Variants in CDH23 observed in about 807,000 individuals in gnomAD.
CDH23 encodes cadherin related 23.
Under a neutral mutation model 317.1 loss-of-function variants are expected in CDH23, and 189 were observed. The observed-to-expected ratio is 0.60, with a 90% CI of 0.53 to 0.67. The LOEUF is 0.67. Among genes scored for constraint, CDH23 ranks in the 30% least tolerant of loss-of-function variants. The pLI is 0.00. For synonymous variants in CDH23, 1,839 were observed against 1,876.8 expected (o/e 0.98, Z 0.52); for missense variants, 4,401 against 4,592.4 (o/e 0.96, Z 1.20).
At chr10:71,420,430 G>GATGGTGATGATA (rs1848711332) in intron 1 of CDH23, among the ~76,000 whole-genome samples, 1 of 146,720 alleles carries the variant, frequency 6.8e-6, no homozygotes, top group Non-Finnish European at 1.5e-5. Context: ...TGGTGATGAT[G>GATGGTGATGATA]ATGATGATGG....
chr10:71,520,496 A>C (rs924845176), intron 6 of CDH23, among the ~76,000 whole-genome samples: 1 of 152,206 alleles, frequency 6.6e-6, no homozygotes, highest in Non-Finnish European at 1.5e-5. Context: ...TGGGCCATCA[A>C]AGGTGGCTGG....
At chr10:71,547,677 C>G (rs555426195) in intron 6 of CDH23, among the ~76,000 whole-genome samples, 1 of 152,354 alleles carries the variant, frequency 6.6e-6, no homozygotes, top group South Asian at 2.1e-4. Context: ...CAGGAGCAAA[C>G]TGCTCCTGGA....
intron 1 of CDH23, among the ~76,000 whole-genome samples, chr10:71,399,875 C>T (rs1405319592): frequency 2.6e-5 from 4 of 151,968 alleles, no homozygotes; most frequent in African/African-American, 7.3e-5. Flanking sequence ...GCCTCTAGGA[C>T]GCCTGAGACG....
In CDH23 at chr10:71,751,062, G is replaced by A; in HGVS notation, c.4845+9141G>A. 3 of 651,828 alleles carry A rather than the reference G, an allele frequency of 4.6e-6. No homozygotes were observed. The highest frequency in any genetic ancestry group is 7.7e-6 in the Non-Finnish European group (3 of 389,320). The allele number at this position is 651,828 out of a possible 1,614,324, so 40.4% of individuals were successfully genotyped here. On this transcript the variant is annotated intron_variant, in intron 38 of 69. Coordinates refer to ENST00000224721, the MANE Select transcript of CDH23 (RefSeq NM_022124.6). The surrounding 1 kb of genome is among the most constrained non-coding windows in gnomAD (Gnocchi z 4.9). ...CCAAAATCCTTGGAACAGGGGCTGA[G>A]CCGTCCAGCATCCCCATGTAGCATC... is the stretch of plus-strand genomic sequence containing the variant.
intron 41 of CDH23, among the ~76,000 whole-genome samples, chr10:71,783,828 G>T (rs112889615): frequency 0.037 from 5,613 of 152,280 alleles, 348 homozygotes; most frequent in African/African-American, 0.13. Context: ...ATTGCTTTGT[G>T]GTCAGCTCTG....
chr10:71,515,528 T>C (rs1344853512), intron 6 of CDH23, among the ~76,000 whole-genome samples: 2 of 127,886 alleles, frequency 1.6e-5, no homozygotes, highest in Admixed American at 1.5e-4. Context: ...ATCTGCCCAA[T>C]TTTTTTTTTT....
intron 14 of CDH23, among the ~76,000 whole-genome samples, chr10:71,659,917 A>G (rs1228429927): frequency 6.9e-6 from 1 of 144,938 alleles, no homozygotes; most frequent in African/African-American, 2.6e-5. Context: ...ACCCAGGTTT[A>G]CCCTGACTCA....
intron 20 of CDH23, among the ~76,000 whole-genome samples, 152 bp downstream of exon 20, chr10:71,690,736 A>C (rs1439574957): frequency 6.6e-6 from 1 of 152,198 alleles, no homozygotes; most frequent in Non-Finnish European, 1.5e-5. Context: ...TGAAATATTA[A>C]TTTGAGTGTG....
intron 9 of CDH23, among the ~76,000 whole-genome samples, chr10:71,600,596 A>G (rs1860153460): frequency 6.8e-6 from 1 of 147,776 alleles, no homozygotes; most frequent in Non-Finnish European, 1.5e-5. Context: ...AGCTCACTGC[A>G]ACCTCTGCCT....
At chr10:71,705,695 G>T (rs762398845) in intron 25 of CDH23, among the ~76,000 whole-genome samples, 2 of 152,206 alleles carry the variant, frequency 1.3e-5, no homozygotes, top group Non-Finnish European at 2.9e-5. Context: ...AAGGGACGGG[G>T]TACTGTTTCC....
chr10:71,487,201 G>A (rs930885388), intron 3 of CDH23, among the ~76,000 whole-genome samples: 4 of 152,198 alleles, frequency 2.6e-5, no homozygotes, highest in African/African-American at 9.7e-5. Flanking sequence ...ATATAGCAAA[G>A]TGCAAGACAG....
At chr10:71,694,686 G>C (rs1311324139) in intron 21 of CDH23, among the ~76,000 whole-genome samples, 1 of 152,138 alleles carries the variant, frequency 6.6e-6, no homozygotes, top group African/African-American at 2.4e-5. Flanking sequence ...ATGTGCCCCA[G>C]AGAGTAGAAA....
chr10:71,665,052 A>T (rs1252156368), intron 14 of CDH23, among the ~76,000 whole-genome samples: 1 of 152,160 alleles, frequency 6.6e-6, no homozygotes, highest in Non-Finnish European at 1.5e-5. Flanking sequence ...TCATCTATTT[A>T]GCTGATATTT....
At chr10:71,624,483 G>T (rs950705171) in intron 11 of CDH23, among the ~76,000 whole-genome samples, 1 of 152,172 alleles carries the variant, frequency 6.6e-6, no homozygotes. Flanking sequence ...ACCTCACAGA[G>T]CGTCTATCAG....
At chr10:71,398,473 G>GTGTGTT (rs1847632722) in intron 1 of CDH23, among the ~76,000 whole-genome samples, 1 of 140,956 alleles carries the variant, frequency 7.1e-6, no homozygotes. Flanking sequence ...GTGTGTGTGT[G>GTGTGTT]TGTTGGGTGG....
At chr10:71,476,249 T>G (rs1851792082) in intron 3 of CDH23, among the ~76,000 whole-genome samples, 3 of 152,320 alleles carry the variant, frequency 2.0e-5, no homozygotes, top group Non-Finnish European at 2.9e-5. Context: ...CACCCCTTCA[T>G]GCAGAGGAGG....
rs931590970 is a variant in CDH23, at chr10:71,628,286, G to A, written c.1134+10893G>A. On this transcript the variant is annotated intron_variant, in intron 11 of 69. Transcript: ENST00000224721. ...CATGCTGGGCTCTGCTTGCCCAGGCGCCTACTAACTCTGTCCCCCGAAAGG... is the reference window on the plus strand; with the variant it reads ...CATGCTGGGCTCTGCTTGCCCAGGCACCTACTAACTCTGTCCCCCGAAAGG... Among the ~76,000 whole-genome samples the A allele has an allele frequency of 3.7e-4, 57 of 152,178 alleles. 3 individuals are homozygous for A. The highest frequency in any genetic ancestry group is 7.2e-5 in the African/African-American group (3 of 41,440).
rs540157792 is a variant in CDH23 at position 71,483,955 on chromosome 10, G to A, written c.146-26127G>A. ...ATGCACATTTTTACATCCTTGCTGC[G>A]GAGCCTTCAAAGGAGGTGCTGGGTC... On this transcript the variant is annotated intron_variant, in intron 3 of 69. Transcript: ENST00000224721. Among the ~76,000 whole-genome samples, 11 of 152,094 alleles carry A rather than the reference G, an allele frequency of 7.2e-5. No homozygotes were observed. In the East Asian group the frequency reaches 7.7e-4, roughly 11 times the overall value.
intron 9 of CDH23, among the ~76,000 whole-genome samples, chr10:71,598,696 G>A (rs1490107357): frequency 6.6e-6 from 1 of 152,234 alleles, no homozygotes; most frequent in Non-Finnish European, 1.5e-5. Flanking sequence ...TCAAAAAAGC[G>A]GCCAGAGGCT....
Sources: gnomAD v4.1 joint callset for allele counts (sites outside exome capture counted in the v4.1 genomes callset) on GRCh38, gnomAD v4.1.1 for gene constraint, Gnocchi (gnomAD v3.1) non-coding constraint, MANE v1.5 for transcripts, NCBI Gene and HGNC (gene_info 2026-07-23, HGNC 2026-07-21) for gene names.